The following DCAF8L1 variants were observed in gnomAD, a reference collection of about 807,000 sequenced individuals.
DCAF8L1 encodes the protein DDB1- and CUL4-associated factor 8-like protein 1.
For synonymous variants in DCAF8L1, 217 were observed against 186.8 expected, an observed-to-expected ratio of 1.16 and a Z score of -1.32; for missense variants, 434 against 481.6, an observed-to-expected ratio of 0.90 and a Z score of 0.92.
chrX:27,980,893 A>T lies in DCAF8L1; in HGVS notation c.442T>A (p.Ser148Thr). The T allele has an allele frequency of 9.9e-6, 12 of 1,211,707 alleles. No homozygotes were observed. The highest frequency in any genetic ancestry group is 1.3e-5 in the Non-Finnish European group (12 of 895,433). ...ALEEWISSETSALPRSRWQVL... is the reference protein window; with the variant it reads ...ALEEWISSETTALPRSRWQVL... Reference sequence around the variant, plus strand: ...TGCCAGCGAGATCGGGGCAGGGCAGATGTCTCTGAGGAAATCCACTCCTCC... The same window carrying T: ...TGCCAGCGAGATCGGGGCAGGGCAGTTGTCTCTGAGGAAATCCACTCCTCC... Residue 148 changes from serine to threonine, a missense_variant, in exon 1 of 1, where the codon TCT becomes ACT. By Grantham distance (58) the Ser-to-Thr change is moderately conservative. Transcript: ENST00000441525.
Position 27,979,053 on chromosome X carries a change from C to CTG in DCAF8L1, c.*477_*478dup, listed in dbSNP as rs768292231. 12 of 384,301 alleles carry CTG rather than the reference C, an allele frequency of 3.1e-5. No individual in the cohort carries two copies. Among genetic ancestry groups the CTG allele is most frequent in the African/African-American group, 2.3e-4 (9 of 38,929 alleles). The allele number at this position is 384,301 out of a possible 1,213,427, so 31.7% of individuals were successfully genotyped here. The stretch of plus-strand genomic sequence containing the variant: ...TCTCTTGTTACTACAACTTTTGAAG[C>CTG]TGTGTGTGTGTGTGGCCAAGTGTTA... On this transcript the variant is annotated 3_prime_UTR_variant, in exon 1 of 1. Transcript: ENST00000441525.
rs1569232519 is a variant in DCAF8L1 at position 27,979,737 on chromosome X, T to C, written c.1598A>G (p.Asp533Gly). 2 of 1,210,707 alleles carry C rather than the reference T, an allele frequency of 1.7e-6. No homozygotes were observed. The highest frequency in any genetic ancestry group is 1.1e-6 in the Non-Finnish European group (1 of 894,972). ...GTCCGTATAGTTCAAGTTGTCTTCA[T>C]CTCGCTCCTGCTTGTTCTTCTTAAT... Reference protein sequence around the residue: ...DVIKKNKQERDEDNLNYTDSF... With the variant: ...DVIKKNKQERGEDNLNYTDSF... Residue 533 changes from aspartate (D) to glycine (G), a missense_variant, in exon 1 of 1, where the codon GAT (aspartate) becomes GGT (glycine). Coordinates refer to ENST00000441525, the MANE Select transcript of DCAF8L1 (RefSeq NM_001017930.2).
chrX:27,981,408 C>G lies in DCAF8L1; in HGVS notation c.-74G>C. On this transcript the variant is annotated 5_prime_UTR_variant, in exon 1 of 1. Coordinates refer to ENST00000441525, the MANE Select transcript of DCAF8L1 (RefSeq NM_001017930.2). ...CTAAAAGCTCAGGGAAGAGAGCACG[C>G]CTGCCCCGAGGACGGACGGTCGGAG... 1 of 1,145,922 alleles carries G rather than the reference C, an allele frequency of 8.7e-7. No homozygotes were observed. Among genetic ancestry groups the G allele is most frequent in the Non-Finnish European group, 1.2e-6 (1 of 859,938 alleles). The allele number at this position is 1,145,922 out of a possible 1,213,427, so 94.4% of individuals were successfully genotyped here.
rs1252455129 is a variant in DCAF8L1, at chrX:27,979,802, T to A, written c.1533A>T (p.Thr511=). The A allele has an allele frequency of 8.3e-7, 1 of 1,211,227 alleles. No homozygotes were observed. The highest frequency in any genetic ancestry group is 1.1e-6 in the Non-Finnish European group (1 of 895,353). ...LDQHVRIWTP[T]AKTATELTGL... Reference sequence around the variant, plus strand: ...CAGTAAGCTCAGTGGCAGTTTTAGCTGTGGGTGTCCAGATCCTGACATGCT... The same window carrying A: ...CAGTAAGCTCAGTGGCAGTTTTAGCAGTGGGTGTCCAGATCCTGACATGCT... The change falls in exon 1 of 1, where the codon ACA becomes ACT. Residue 511 remains threonine, a synonymous_variant. Coordinates refer to ENST00000441525, the MANE Select transcript of DCAF8L1 (RefSeq NM_001017930.2).
chrX:27,980,996 C>A lies in DCAF8L1; in HGVS notation c.339G>T (p.Glu113Asp). ...GTGGACACATCCGAGGCTGTTCTTC[C>A]TCCTCCCCTTCCTCCTCCATCTCTT... ...EEEEMEEEGE[E>D]EEQPRMCPRC... is the part of the protein sequence containing the mutation. Residue 113 changes from glutamate to aspartate, a missense_variant, in exon 1 of 1, where the codon GAG becomes GAT. Transcript: ENST00000441525. 1 of 1,211,719 alleles carries A rather than the reference C, an allele frequency of 8.3e-7. No homozygotes were observed. Among genetic ancestry groups the A allele is most frequent in the South Asian group, 1.8e-5 (1 of 56,964 alleles).
chrX:27,979,027 CTCTCT>C lies in DCAF8L1; in HGVS notation c.*500_*504del. Reference sequence around the variant, plus strand: ...TATACAGTCCCACTTTCTTATTCTTCTCTCTTGTTACTACAACTTTTGAAGCTGTG... The same window carrying C: ...TATACAGTCCCACTTTCTTATTCTTCTGTTACTACAACTTTTGAAGCTGTG... On this transcript the variant is annotated 3_prime_UTR_variant, in exon 1 of 1. Transcript: ENST00000441525. 2.3e-6 allele frequency: 1 copy of C among 433,537 alleles called. No individual in the cohort carries two copies. Among genetic ancestry groups the C allele is most frequent in the South Asian group, 4.1e-5 (1 of 24,341 alleles). 35.7% of individuals were successfully genotyped at this position (433,537 alleles called of 1,213,427 possible).
Position 27,979,890 on chromosome X carries a change from T to A in DCAF8L1, c.1445A>T (p.Asp482Val). The change falls in exon 1 of 1, where the codon GAT becomes GTT. Residue 482 changes from aspartate to valine, a missense_variant. Asp to Val is a radical substitution (Grantham distance 152, BLOSUM62 -3). Coordinates refer to ENST00000441525, the MANE Select transcript of DCAF8L1 (RefSeq NM_001017930.2). ...IIQFMEGDRG[D>V]IVNCLEPHPY... Reference sequence around the variant, plus strand: ...GTGGGGTTCAAGACAGTTTACTATATCTCCTCTGTCCCCCTCCATGAACTG... The same window carrying A: ...GTGGGGTTCAAGACAGTTTACTATAACTCCTCTGTCCCCCTCCATGAACTG... The A allele has an allele frequency of 8.3e-7, 1 of 1,209,294 alleles. No homozygotes were observed. Among genetic ancestry groups the A allele is most frequent in the Non-Finnish European group, 1.1e-6 (1 of 894,633 alleles).
chrX:27,980,466 T>C lies in DCAF8L1; in HGVS notation c.869A>G (p.His290Arg). The change falls in exon 1 of 1, where the codon CAC (histidine) becomes CGC (arginine). Residue 290 changes from histidine (H) to arginine (R), a missense_variant. Physicochemically the swap from His to Arg is conservative, Grantham distance 29. Coordinates refer to ENST00000441525, the MANE Select transcript of DCAF8L1 (RefSeq NM_001017930.2). Reference protein sequence around the residue: ...KRVAKHRGPAHELALEPDSPY... With the variant: ...KRVAKHRGPARELALEPDSPY... ...AGAGTCTGGCTCCAGAGCCAACTCG[T>C]GGGCAGGTCCCCTGTGCTTGGCCAC... 1 of 1,212,332 alleles carries C rather than the reference T, an allele frequency of 8.2e-7. No individual in the cohort carries two copies. Among genetic ancestry groups the C allele is most frequent in the Non-Finnish European group, 1.1e-6 (1 of 895,671 alleles).
Position 27,981,278 on chromosome X carries a change from C to A in DCAF8L1, c.57G>T (p.Leu19=). The A allele has an allele frequency of 8.3e-7, 1 of 1,210,921 alleles. No homozygotes were observed. The highest frequency in any genetic ancestry group is 1.1e-6 in the Non-Finnish European group (1 of 895,314). ...GGLPDLVTES[L]FSSPEEQSGV... is the part of the protein sequence containing the mutation. The stretch of plus-strand genomic sequence containing the variant: ...CAGACTGCTCCTCTGGGCTGCTGAA[C>A]AGGCTTTCAGTCACTAAGTCTGGTA... Residue 19 remains leucine (L), a synonymous_variant, in exon 1 of 1, where the codon CTG becomes CTT. Transcript: ENST00000441525.
In DCAF8L1 at chrX:27,980,828, A is replaced by G. The variant is rs1375470045; in HGVS notation, c.507T>C (p.Ser169=). The G allele has an allele frequency of 1.7e-6, 2 of 1,209,322 alleles. No individual in the cohort carries two copies. The highest frequency in any genetic ancestry group is 3.5e-5 in the African/African-American group (2 of 57,432). The change falls in exon 1 of 1, where the codon AGT becomes AGC. Residue 169 remains serine, a synonymous_variant. Coordinates refer to ENST00000441525, the MANE Select transcript of DCAF8L1 (RefSeq NM_001017930.2). ...CACAGGCCTCATATACAAAGCGGGC[A>G]CTTGAACCCAGCTGCCGCTGGCGAA... ...TALRQRQLGS[S]ARFVYEACGA...
chrX:27,978,144 T>C lies in DCAF8L1; in HGVS notation c.*1388A>G, dbSNP rs1195647305. 8.9e-6 allele frequency: 1 copy of C among 112,106 alleles called. No individual in the cohort carries two copies. Among genetic ancestry groups the C allele is most frequent in the Non-Finnish European group, 1.9e-5 (1 of 53,318 alleles). The allele number at this position is 112,106 out of a possible 1,213,427, so 9.2% of individuals were successfully genotyped here. On this transcript the variant is annotated 3_prime_UTR_variant, in exon 1 of 1. Transcript: ENST00000441525. ...AATCCATGGATGTCAAATAGGATTT[T>C]TCTACCAACTACATCACTTGTAAGT...
chrX:27,979,307 A>T lies in DCAF8L1; in HGVS notation c.*225T>A. ...TCTGAAATGAGTAGATACATCTAAT[A>T]AGGCCATTAATTTTTTCAACAAAAT... On this transcript the variant is annotated 3_prime_UTR_variant, in exon 1 of 1. Transcript: ENST00000441525. 1 of 371,838 alleles carries T rather than the reference A, an allele frequency of 2.7e-6. No homozygotes were observed. 30.6% of individuals were successfully genotyped at this position (371,838 alleles called of 1,213,427 possible). A position where few individuals can be genotyped will look rare whatever the true frequency, so the allele number is the denominator to read the frequency against.
rs145254507 is a variant in DCAF8L1, at chrX:27,978,310, A to G, written c.*1222T>C. The G allele has an allele frequency of 8.9e-6, 1 of 112,501 alleles. No individual in the cohort carries two copies. The highest frequency in any genetic ancestry group is 3.2e-5 in the African/African-American group (1 of 30,982). The allele number at this position is 112,501 out of a possible 1,213,427, so 9.3% of individuals were successfully genotyped here. On this transcript the variant is annotated 3_prime_UTR_variant, in exon 1 of 1. Coordinates refer to ENST00000441525, the MANE Select transcript of DCAF8L1 (RefSeq NM_001017930.2). ...AACAATTTTTATTGCAACAATTTTC[A>G]AAACAAACTCATAAAACAGCTAAAT...
At position 27,980,470 on chromosome X, in the gene DCAF8L1, C is replaced by T; in HGVS notation, c.865G>A (p.Ala289Thr). ...TKRVAKHRGP[A>T]HELALEPDSP... ...TCTGGCTCCAGAGCCAACTCGTGGGCAGGTCCCCTGTGCTTGGCCACACGC... is the reference window on the plus strand; with the variant it reads ...TCTGGCTCCAGAGCCAACTCGTGGGTAGGTCCCCTGTGCTTGGCCACACGC... Residue 289 changes from alanine to threonine, a missense_variant, in exon 1 of 1, where the codon GCC becomes ACC. Coordinates refer to ENST00000441525, the MANE Select transcript of DCAF8L1 (RefSeq NM_001017930.2). 1 of 1,212,159 alleles carries T rather than the reference C, an allele frequency of 8.2e-7. No homozygotes were observed. Among genetic ancestry groups the T allele is most frequent in the Non-Finnish European group, 1.1e-6 (1 of 895,620 alleles).
rs1279227995 is a variant in DCAF8L1 at position 27,980,769 on chromosome X, T to G, written c.566A>C (p.Gln189Pro). 8.3e-7 allele frequency: 1 copy of G among 1,209,757 alleles called. No homozygotes were observed. Residue 189 changes from glutamine to proline, a missense_variant, in exon 1 of 1, where the codon CAG (glutamine) becomes CCG (proline). Physicochemically the swap from Gln to Pro is moderately conservative, Grantham distance 76. Coordinates refer to ENST00000441525, the MANE Select transcript of DCAF8L1 (RefSeq NM_001017930.2). ...ARTFVQRFRL[Q>P]YLLGSHAGSV... The stretch of plus-strand genomic sequence containing the variant: ...ACCGGCATGGCTTCCAAGAAGATAC[T>G]GCAGGCGGAAACGCTGCACAAAGGT...
At position 27,979,816 on chromosome X, in the gene DCAF8L1, T is replaced by C; in HGVS notation, c.1519A>G (p.Ile507Val). ...GCAGTTTTAGCTGTGGGTGTCCAGA[T>C]CCTGACATGCTGATCTAGGCCACTG... ...ATSGLDQHVR[I>V]WTPTAKTATE... Residue 507 changes from isoleucine (I) to valine (V), a missense_variant, in exon 1 of 1, where the codon ATC (isoleucine) becomes GTC (valine). Physicochemically the swap from Ile to Val is conservative, Grantham distance 29. Coordinates refer to ENST00000441525, the MANE Select transcript of DCAF8L1 (RefSeq NM_001017930.2). 1 of 1,210,985 alleles carries C rather than the reference T, an allele frequency of 8.3e-7. No homozygotes were observed. The highest frequency in any genetic ancestry group is 1.1e-6 in the Non-Finnish European group (1 of 895,328).
rs200947185 is a variant in DCAF8L1, at chrX:27,980,080, A to G, written c.1255T>C (p.Ser419Pro). The change falls in exon 1 of 1, where the codon TCC (serine) becomes CCC (proline). Residue 419 changes from serine to proline, a missense_variant. Physicochemically the swap from Ser to Pro is moderately conservative, Grantham distance 74. Coordinates refer to ENST00000441525, the MANE Select transcript of DCAF8L1 (RefSeq NM_001017930.2). ...TATTGAGCACCATCACTGAGAGAGGAGTTGAAGAGGTAAATATCTTCATCA... is the reference window on the plus strand; with the variant it reads ...TATTGAGCACCATCACTGAGAGAGGGGTTGAAGAGGTAAATATCTTCATCA... ...YNDEDIYLFN[S>P]SLSDGAQYVK... 8 of 1,209,595 alleles carry G rather than the reference A, an allele frequency of 6.6e-6. No individual in the cohort carries two copies. The highest frequency in any genetic ancestry group is 3.0e-5 in the East Asian group (1 of 33,716).
In DCAF8L1 at chrX:27,979,404, A is replaced by G. The variant is rs1370484744; in HGVS notation, c.*128T>C. ...ATAAATAAGTTGTGTATGCACTCAT[A>G]TAAGGGGTAACAAAAACAGAAGACA... On this transcript the variant is annotated 3_prime_UTR_variant, in exon 1 of 1. Coordinates refer to ENST00000441525, the MANE Select transcript of DCAF8L1 (RefSeq NM_001017930.2). 1 of 940,916 alleles carries G rather than the reference A, an allele frequency of 1.1e-6. No individual in the cohort carries two copies. The highest frequency in any genetic ancestry group is 3.3e-5 in the East Asian group (1 of 30,739). The allele number at this position is 940,916 out of a possible 1,213,427, so 77.5% of individuals were successfully genotyped here.
rs763039543 is a variant in DCAF8L1 at position 27,981,066 on chromosome X, C to A, written c.269G>T (p.Gly90Val). ...TGTCTCCTCTCCCACTAACGGGTAA[C>A]CAAATAAACCTTCACCCATGCTTTC... ...ELESMGEGLF[G>V]YPLVGEETER... The change falls in exon 1 of 1, where the codon GGT (glycine) becomes GTT (valine). Residue 90 changes from glycine (G) to valine (V), a missense_variant. Physicochemically the swap from Gly to Val is moderately radical, Grantham distance 109. Coordinates refer to ENST00000441525, the MANE Select transcript of DCAF8L1 (RefSeq NM_001017930.2). 15 of 1,211,961 alleles carry A rather than the reference C, an allele frequency of 1.2e-5. No homozygotes were observed. In the Admixed American group the frequency reaches 3.3e-4, roughly 26 times the overall value.
Sources: gnomAD v4.1 joint callset for allele counts on GRCh38, gnomAD v4.1.1 for gene constraint, MANE v1.5 for transcripts, NCBI Gene and HGNC (gene_info 2026-07-23, HGNC 2026-07-21) for gene names.